Variants in LRP1B observed in about 807,000 individuals in gnomAD.
The protein encoded by LRP1B is low-density lipoprotein receptor-related protein 1B.
A neutral mutation model predicts 556.6 loss-of-function variants in LRP1B; 217 were observed. The ratio of observed to expected loss-of-function variants is 0.39; its 90% CI spans 0.35 to 0.44. The LOEUF (loss-of-function observed/expected upper bound fraction) is 0.44, where lower values mean the gene tolerates loss of function less well. LRP1B is among the 20% of genes least tolerant of loss of function. The pLI, the probability that LRP1B is intolerant of heterozygous loss-of-function variation, is 1.00. For synonymous variants in LRP1B, 2,047 were observed against 1,865.8 expected (o/e 1.10, Z -2.50); for missense variants, 5,053 against 5,620.8 (o/e 0.90, Z 3.23).
At chr2:141,613,811 G>A (rs1688192413) in intron 2 of LRP1B, among the ~76,000 whole-genome samples, 1 of 152,012 alleles carries the variant, frequency 6.6e-6, no homozygotes, top group African/African-American at 2.4e-5. Flanking sequence ...GGCAGCTCAT[G>A]CATGTAATCC....
intron 41 of LRP1B, among the ~76,000 whole-genome samples, chr2:140,607,795 C>T (rs558765044): frequency 1.2e-4 from 18 of 151,904 alleles, no homozygotes; most frequent in African/African-American, 4.3e-4. Flanking sequence ...ATTTAAATAC[C>T]TGGCAATTTC....
rs192252363 is a variant in LRP1B, at chr2:140,584,576, C to T, written c.7194+14055G>A. ...TAAATCAATCCATCAGTATCAGTAT[C>T]TCATGCTGAAGGGACACCAGTTATT... On this transcript the variant is annotated intron_variant, in intron 43 of 90. Coordinates refer to ENST00000389484, the MANE Select transcript of LRP1B (RefSeq NM_018557.3). Among the ~76,000 whole-genome samples, 71 of 152,236 alleles carry T rather than the reference C, an allele frequency of 4.7e-4. 1 individual carries two copies. Among genetic ancestry groups the T allele is most frequent in the Admixed American group, 1.2e-3 (18 of 15,292 alleles).
intron 11 of LRP1B, among the ~76,000 whole-genome samples, chr2:141,047,089 T>TAAAC (rs1698897656): frequency 1.4e-5 from 2 of 146,304 alleles, no homozygotes; most frequent in African/African-American, 2.5e-5. Flanking sequence ...TAATAATAAA[T>TAAAC]GCAAGTGTCT....
At chr2:140,343,191 T>A (rs1681482906) in intron 77 of LRP1B, among the ~76,000 whole-genome samples, 1 of 151,620 alleles carries the variant, frequency 6.6e-6, no homozygotes. Flanking sequence ...TGTTCAAACT[T>A]CACAGTATAG....
At chr2:140,769,499 CT>C (rs1166746128) in intron 34 of LRP1B, among the ~76,000 whole-genome samples, 155 bp from the exon 35 acceptor site, 1 of 151,878 alleles carries the variant, frequency 6.6e-6, no homozygotes, top group East Asian at 1.9e-4. Flanking sequence ...ACTACACTTC[CT>C]GACTAACGAA....
At chr2:142,122,073 G>A (rs566852469) in intron 1 of LRP1B, among the ~76,000 whole-genome samples, 255 of 152,238 alleles carry the variant, frequency 1.7e-3, no homozygotes, top group African/African-American at 5.8e-3. Context: ...CTCACAGAAC[G>A]TTAGGGTCAT....
At chr2:140,435,968 T>C (rs1420938748) in intron 66 of LRP1B, among the ~76,000 whole-genome samples, 1 of 151,640 alleles carries the variant, frequency 6.6e-6, no homozygotes, top group African/African-American at 2.4e-5. Flanking sequence ...CACACTCTCT[T>C]CCTTTCTCTC....
At chr2:140,694,332 A>G (rs1162723987) in intron 41 of LRP1B, among the ~76,000 whole-genome samples, 6 of 152,158 alleles carry the variant, frequency 3.9e-5, no homozygotes, top group African/African-American at 1.2e-4. Context: ...TATTCCTAAA[A>G]CAAATGTTAT....
intron 49 of LRP1B, among the ~76,000 whole-genome samples, chr2:140,517,283 A>AT (rs1689947191): frequency 6.6e-6 from 1 of 152,164 alleles, no homozygotes; most frequent in Non-Finnish European, 1.5e-5. Flanking sequence ...ATTGGTTTAA[A>AT]TTATAACAGT....
intron 32 of LRP1B, among the ~76,000 whole-genome samples, chr2:140,781,758 G>A (rs901481631): frequency 3.9e-5 from 6 of 152,190 alleles, no homozygotes; most frequent in African/African-American, 1.4e-4. Context: ...CAGTGCACAA[G>A]TATAACCGCA....
intron 1 of LRP1B, among the ~76,000 whole-genome samples, chr2:142,082,575 C>T (rs1364357959): frequency 6.6e-6 from 1 of 152,136 alleles, no homozygotes; most frequent in Non-Finnish European, 1.5e-5. Context: ...GGTGGCGCAG[C>T]CGGAACAATT....
At chr2:141,623,710 C>G (rs1168338213) in intron 2 of LRP1B, among the ~76,000 whole-genome samples, 1 of 139,988 alleles carries the variant, frequency 7.1e-6, no homozygotes. Context: ...GTTATGACCT[C>G]TAATGCATAC....
intron 23 of LRP1B, among the ~76,000 whole-genome samples, chr2:140,897,331 A>G (rs1035684467): frequency 2.6e-5 from 4 of 152,120 alleles, no homozygotes; most frequent in African/African-American, 9.7e-5. Context: ...TTCATGCCTC[A>G]TTCTCTCCTT....
At chr2:140,896,023 C>A (rs1418671615) in intron 23 of LRP1B, among the ~76,000 whole-genome samples, 1 of 152,058 alleles carries the variant, frequency 6.6e-6, no homozygotes, top group Non-Finnish European at 1.5e-5. Context: ...TCACTTTGGG[C>A]CACGGGTCCA....
At chr2:142,079,497 C>CTT (rs1705633413) in intron 1 of LRP1B, among the ~76,000 whole-genome samples, 2 of 66,474 alleles carry the variant, frequency 3.0e-5, no homozygotes, top group Non-Finnish European at 7.6e-5. Context: ...TTCTTTCTTT[C>CTT]TCTTTTTTTT....
chr2:141,580,223 T>C (rs535723014), intron 2 of LRP1B, among the ~76,000 whole-genome samples: 2 of 152,322 alleles, frequency 1.3e-5, no homozygotes, highest in South Asian at 4.1e-4. Flanking sequence ...ATAGTTTTTT[T>C]AAGTAAAATA....
chr2:140,801,412 G>A (rs1690505054), intron 32 of LRP1B, among the ~76,000 whole-genome samples: 2 of 152,032 alleles, frequency 1.3e-5, no homozygotes, highest in African/African-American at 2.4e-5. Flanking sequence ...CATAAAGAAG[G>A]AACAGTTTAC....
intron 60 of LRP1B, among the ~76,000 whole-genome samples, chr2:140,462,302 T>A (rs1396645236): frequency 6.6e-6 from 1 of 152,222 alleles, no homozygotes; most frequent in Non-Finnish European, 1.5e-5. Context: ...ATCTCTTTTA[T>A]ATTAGTCAGA....
chr2:141,581,530 A>G (rs1453595330), intron 2 of LRP1B, among the ~76,000 whole-genome samples: 1 of 152,148 alleles, frequency 6.6e-6, no homozygotes, highest in Non-Finnish European at 1.5e-5. Context: ...TATATTTTCA[A>G]GTTCAGCCAC....
Sources: gnomAD v4.1 joint callset for allele counts (sites outside exome capture counted in the v4.1 genomes callset) on GRCh38, gnomAD v4.1.1 for gene constraint, MANE v1.5 for transcripts, NCBI Gene and HGNC (gene_info 2026-07-23, HGNC 2026-07-21) for gene names.